Variants in PCDH15 observed in about 807,000 individuals in gnomAD.
PCDH15 encodes the protein protocadherin-15.
A neutral mutation model predicts 178.5 loss-of-function variants in PCDH15; 129 were observed. The observed-to-expected ratio is 0.72, with a 90% CI of 0.63 to 0.84. The LOEUF is 0.84. Ranked by LOEUF, PCDH15 falls within the 40% of genes least tolerant of loss-of-function variation. The pLI, the probability that PCDH15 is intolerant of heterozygous loss-of-function variation, is 0.00. For missense variants in PCDH15, 2,230 were observed against 2,099.9 expected, an observed-to-expected ratio of 1.06 and a Z score of -1.21; for synonymous variants, 800 against 732.0, an observed-to-expected ratio of 1.09 and a Z score of -1.50.
intron 32 of PCDH15, among the ~76,000 whole-genome samples, chr10:53,824,739 C>T (rs773521683): frequency 2.2e-4 from 33 of 151,996 alleles, no homozygotes; most frequent in Middle Eastern, 3.4e-3. Flanking sequence ...AACATTTGTT[C>T]GTGGTTTGAT....
chr10:55,516,677 A>G (rs899966603), intron 2 of PCDH15, among the ~76,000 whole-genome samples: 1 of 152,168 alleles, frequency 6.6e-6, no homozygotes, highest in Non-Finnish European at 1.5e-5. Context: ...AATTGGCGAG[A>G]AGAAGGATCA....
At chr10:53,959,991 G>A in intron 22 of PCDH15, 147 bp from the exon 23 acceptor site, 1 of 692,312 alleles carries the variant, frequency 1.4e-6, no homozygotes, top group South Asian at 1.6e-5. Context: ...CCAGGTGGCA[G>A]ACACTATGCT....
intron 3 of PCDH15, among the ~76,000 whole-genome samples, chr10:54,439,188 T>C (rs1343153920): frequency 1.3e-5 from 2 of 152,056 alleles, no homozygotes; most frequent in Non-Finnish European, 2.9e-5. Context: ...GAATAATACA[T>C]AGCATAAATA....
At chr10:54,005,502 TA>T (rs1420107002) in intron 20 of PCDH15, among the ~76,000 whole-genome samples, 1 of 152,104 alleles carries the variant, frequency 6.6e-6, no homozygotes, top group African/African-American at 2.4e-5. Flanking sequence ...GCAAAAGTTC[TA>T]AACAAAAATT....
At chr10:53,875,777 C>A (rs529086991) in intron 26 of PCDH15, among the ~76,000 whole-genome samples, 1 of 152,166 alleles carries the variant, frequency 6.6e-6, no homozygotes, top group South Asian at 2.1e-4. Context: ...TACAGATGTA[C>A]AACATTAAAA....
Position 53,903,253 on chromosome 10 carries a change from A to G in PCDH15, c.3491T>C (p.Leu1164Pro), listed in dbSNP as rs544998977. 6.2e-7 allele frequency: 1 copy of G among 1,612,942 alleles called. No individual in the cohort carries two copies. Among genetic ancestry groups the G allele is most frequent in the African/African-American group, 1.3e-5 (1 of 75,014 alleles). ...CATAATTCCGCATACCTTCACTCTG[A>G]GTACAGAAGTAAACATTCTTGCATC... ...SEDARMFTSV[L>P]RVKATDKDTG... The change falls in exon 26 of 38, where the codon CTC becomes CCC. Residue 1164 changes from leucine to proline, a missense_variant. Leu to Pro is a moderately conservative substitution (Grantham distance 98). Transcript: ENST00000644397.
At chr10:54,193,699 T>C (rs1033469713) in intron 11 of PCDH15, among the ~76,000 whole-genome samples, 12 of 152,144 alleles carry the variant, frequency 7.9e-5, no homozygotes, top group Admixed American at 7.9e-4. Flanking sequence ...TATAGATTAA[T>C]GTGTTCACTT....
chr10:54,167,785 C>T (rs1385444053), intron 13 of PCDH15, among the ~76,000 whole-genome samples: 1 of 152,052 alleles, frequency 6.6e-6, no homozygotes, highest in Non-Finnish European at 1.5e-5. Context: ...ATTTCCGCAC[C>T]CCAACCTCGT....
chr10:55,389,063 C>T (rs1020156402), intron 2 of PCDH15, among the ~76,000 whole-genome samples: 5 of 152,032 alleles, frequency 3.3e-5, no homozygotes, highest in African/African-American at 1.2e-4. Context: ...TGCATATGAA[C>T]ATTCAAACAA....
At chr10:55,165,047 A>T in intron 2 of PCDH15, among the ~76,000 whole-genome samples, 1 of 152,078 alleles carries the variant, frequency 6.6e-6, no homozygotes, top group Admixed American at 6.6e-5. Flanking sequence ...ATAATTATTA[A>T]ATAATAAGCT....
At chr10:54,859,079 G>A (rs922778610) in intron 3 of PCDH15, among the ~76,000 whole-genome samples, 1 of 152,006 alleles carries the variant, frequency 6.6e-6, no homozygotes, top group African/African-American at 2.4e-5. Context: ...AGTGCTCTTT[G>A]TATTATCTTC....
intron 2 of PCDH15, among the ~76,000 whole-genome samples, chr10:55,362,849 T>C (rs1285263717): frequency 6.6e-6 from 1 of 152,174 alleles, no homozygotes; most frequent in Non-Finnish European, 1.5e-5. Flanking sequence ...AATTTGGTCA[T>C]TTCAAGAAGA....
intron 2 of PCDH15, among the ~76,000 whole-genome samples, chr10:54,652,968 A>C (rs1198835751): frequency 6.6e-6 from 1 of 152,252 alleles, no homozygotes; most frequent in Admixed American, 6.5e-5. Context: ...TTTATTAAGA[A>C]TACAAACAAA....
intron 1 of PCDH15, among the ~76,000 whole-genome samples, chr10:55,276,922 G>A (rs1842610513): frequency 6.6e-6 from 1 of 151,982 alleles, no homozygotes; most frequent in Non-Finnish European, 1.5e-5. Flanking sequence ...CAAAGCAGAG[G>A]ATAAAGCTTT....
chr10:55,627,859 C>T (rs1292492292), intron 1 of PCDH15: 1 of 152,446 alleles, frequency 6.6e-6, no homozygotes, highest in Admixed American at 6.5e-5. Context: ...CTCTTCTGCG[C>T]CTTACCCAGC....
chr10:54,998,469 C>CT (rs902638444), intron 2 of PCDH15, among the ~76,000 whole-genome samples: 2 of 151,728 alleles, frequency 1.3e-5, no homozygotes, highest in East Asian at 1.9e-4. Context: ...TACCCTTCTG[C>CT]TTTTTCCAGA....
At chr10:54,380,795 T>C (rs1158591289) in intron 3 of PCDH15, among the ~76,000 whole-genome samples, 2 of 144,776 alleles carry the variant, frequency 1.4e-5, no homozygotes, top group African/African-American at 5.2e-5. Flanking sequence ...CATTGAACTA[T>C]CTTTACAAAG....
intron 3 of PCDH15, among the ~76,000 whole-genome samples, chr10:54,407,780 G>C (rs1229878719): frequency 6.6e-6 from 1 of 152,110 alleles, no homozygotes; most frequent in East Asian, 1.9e-4. Context: ...GGATGGCTGG[G>C]CGTGGTGGCT....
At chr10:54,396,424 C>G (rs1414312302) in intron 3 of PCDH15, among the ~76,000 whole-genome samples, 2 of 152,070 alleles carry the variant, frequency 1.3e-5, no homozygotes, top group Admixed American at 1.3e-4. Context: ...TCTGGCTTTT[C>G]TCTTGTTAAT....
Sources: allele counts gnomAD v4.1 joint callset (sites outside exome capture counted in the v4.1 genomes callset), GRCh38; gene constraint gnomAD v4.1.1; transcripts MANE v1.5; gene names NCBI Gene and HGNC (gene_info 2026-07-23, HGNC 2026-07-21).